PPARGC1A: variants seen among roughly 807,000 people sequenced by gnomAD.
PPARGC1A encodes the protein PPARG coactivator 1 alpha, also known as peroxisome proliferator-activated receptor gamma coactivator 1-alpha.
Under a neutral mutation model 88.7 loss-of-function variants are expected in PPARGC1A, and 25 were observed. That is an observed-to-expected ratio of 0.28 (90% CI 0.21 to 0.39). The LOEUF (loss-of-function observed/expected upper bound fraction) is 0.39, where lower values mean the gene tolerates loss of function less well. Ranked by LOEUF, PPARGC1A falls within the 10% of genes least tolerant of loss-of-function variation. The pLI is 1.00. For missense variants in PPARGC1A, 880 were observed against 968.7 expected, an observed-to-expected ratio of 0.91 and a Z score of 1.22; for synonymous variants, 363 against 355.6, an observed-to-expected ratio of 1.02 and a Z score of -0.24.
chr4:24,385,346 A>G, the PPARGC1A span, among the ~76,000 whole-genome samples: 1 of 152,204 alleles, frequency 6.6e-6, no homozygotes, highest in Non-Finnish European at 1.5e-5. Flanking sequence ...GAGAAGCAAG[A>G]GCAAACAAAT....
the PPARGC1A span, among the ~76,000 whole-genome samples, chr4:24,468,465 C>T: frequency 5.9e-5 from 9 of 152,100 alleles, no homozygotes; most frequent in Non-Finnish European, 8.8e-5. Context: ...ATATGTTTTG[C>T]ACATTGGCAA....
the PPARGC1A span, among the ~76,000 whole-genome samples, chr4:24,170,448 G>GA: frequency 1.3e-5 from 2 of 152,110 alleles, no homozygotes; most frequent in Non-Finnish European, 2.9e-5. Flanking sequence ...CTACTGATGG[G>GA]AAAAAAGAAT....
At chr4:24,156,715 G>A in the PPARGC1A span, among the ~76,000 whole-genome samples, 10 of 149,026 alleles carry the variant, frequency 6.7e-5, no homozygotes, top group East Asian at 7.9e-4. Context: ...CCTCTTGGCT[G>A]TTGCGGTCTT....
the PPARGC1A span, among the ~76,000 whole-genome samples, chr4:24,197,447 C>G: frequency 6.6e-6 from 1 of 152,232 alleles, no homozygotes; most frequent in African/African-American, 2.4e-5. Context: ...GCCTCTCTCT[C>G]TTTTGAACTT....
chr4:24,104,886 T>C, the PPARGC1A span, among the ~76,000 whole-genome samples: 1 of 152,164 alleles, frequency 6.6e-6, no homozygotes, highest in African/African-American at 2.4e-5. Flanking sequence ...ATACTGCAGT[T>C]CACCAGCTGT....
intron 2 of PPARGC1A, among the ~76,000 whole-genome samples, chr4:23,873,488 T>C (rs146110935): frequency 1.3e-5 from 2 of 152,344 alleles, no homozygotes; most frequent in East Asian, 1.9e-4. Flanking sequence ...ACCATGCCTC[T>C]GGTGCAGAAA....
the PPARGC1A span, among the ~76,000 whole-genome samples, chr4:23,949,718 A>G: frequency 1.3e-5 from 2 of 152,152 alleles, no homozygotes; most frequent in African/African-American, 2.4e-5. Flanking sequence ...CACAAGGTTC[A>G]ATGACACAGC....
intron 1 of PPARGC1A, among the ~76,000 whole-genome samples, chr4:23,898,306 T>C (rs1718853568): frequency 6.6e-6 from 1 of 152,172 alleles, no homozygotes; most frequent in Admixed American, 6.5e-5. Context: ...TTTTCAACTT[T>C]TTCCTTTGTA....
chr4:24,272,257 C>T, the PPARGC1A span, among the ~76,000 whole-genome samples: 1 of 152,112 alleles, frequency 6.6e-6, no homozygotes, highest in South Asian at 2.1e-4. Flanking sequence ...ATTCATAGTA[C>T]CTTAGGATTT....
At chr4:23,863,688 A>G (rs141818910) in intron 2 of PPARGC1A, among the ~76,000 whole-genome samples, 7 of 152,260 alleles carry the variant, frequency 4.6e-5, no homozygotes, top group African/African-American at 1.4e-4. Context: ...CGACGTCTAA[A>G]ATGCCCACGT....
the PPARGC1A span, among the ~76,000 whole-genome samples, chr4:24,150,722 G>A: frequency 2.6e-5 from 4 of 152,118 alleles, no homozygotes; most frequent in African/African-American, 9.7e-5. Flanking sequence ...TTTGGCAGAT[G>A]AGGACTCTGG....
intron 2 of PPARGC1A, among the ~76,000 whole-genome samples, chr4:23,838,852 C>T (rs1373590921): frequency 2.0e-5 from 3 of 152,104 alleles, no homozygotes; most frequent in African/African-American, 4.8e-5. Context: ...ATCTAATGCA[C>T]ATATATATCT....
chr4:24,120,040 C>T, the PPARGC1A span, among the ~76,000 whole-genome samples: 1 of 152,176 alleles, frequency 6.6e-6, no homozygotes, highest in Admixed American at 6.5e-5. Context: ...CAAAAAGAAT[C>T]TTACAGGCAT....
chr4:24,309,776 C>T, the PPARGC1A span, among the ~76,000 whole-genome samples: 7 of 152,060 alleles, frequency 4.6e-5, no homozygotes, highest in African/African-American at 7.2e-5. Context: ...TGAAAAACAC[C>T]CTGGCTGCTG....
chr4:24,436,874 ATC>A, the PPARGC1A span, among the ~76,000 whole-genome samples: 1 of 151,310 alleles, frequency 6.6e-6, no homozygotes, highest in Non-Finnish European at 1.5e-5. Context: ...CAGAGCTAAT[ATC>A]TATTGGCCAC....
chr4:23,901,049 AC>A (rs201070400), upstream of PPARGC1A, among the ~76,000 whole-genome samples: 4,057 of 152,048 alleles, frequency 0.027, 80 homozygotes, highest in Non-Finnish European at 0.043. Context: ...ATATGGTGAA[AC>A]CTGGTCTCTA....
chr4:24,009,152 G>GAGAA, the PPARGC1A span, among the ~76,000 whole-genome samples: 4 of 16,898 alleles, frequency 2.4e-4, no homozygotes, highest in East Asian at 6.3e-3. Context: ...AAAAAAAAAA[G>GAGAA]AGAGAGAAGG....
the PPARGC1A span, among the ~76,000 whole-genome samples, chr4:23,970,775 T>A: frequency 1.3e-5 from 2 of 152,168 alleles, no homozygotes; most frequent in African/African-American, 2.4e-5. Flanking sequence ...CAATACCAGG[T>A]CGGTATCTAT....
chr4:23,963,349 T>G, the PPARGC1A span, among the ~76,000 whole-genome samples: 5 of 152,156 alleles, frequency 3.3e-5, no homozygotes, highest in African/African-American at 4.8e-5. Flanking sequence ...CCATTGACAA[T>G]CTTTACTTTC....
Sources: gnomAD v4.1 joint callset for allele counts (sites outside exome capture counted in the v4.1 genomes callset) on GRCh38, gnomAD v4.1.1 for gene constraint, MANE v1.5 for transcripts, NCBI Gene and HGNC (gene_info 2026-07-23, HGNC 2026-07-21) for gene names.